The following C8orf34 variants were observed in gnomAD, a reference collection of about 807,000 sequenced individuals.
C8orf34 encodes uncharacterized protein C8orf34.
Under a neutral mutation model 68.3 loss-of-function variants are expected in C8orf34, and 65 were observed. That is an observed-to-expected ratio of 0.95 (90% CI 0.78 to 1.17). The LOEUF (loss-of-function observed/expected upper bound fraction) is 1.17, where lower values mean the gene tolerates loss of function less well. C8orf34 is among the 50% of genes most tolerant of loss of function. The pLI is 0.00. For synonymous variants in C8orf34, 244 were observed against 241.2 expected, an observed-to-expected ratio of 1.01 and a Z score of -0.11; for missense variants, 664 against 655.4, an observed-to-expected ratio of 1.01 and a Z score of -0.14.
intron 10 of C8orf34, among the ~76,000 whole-genome samples, chr8:68,744,463 G>C (rs1377375450): frequency 6.6e-6 from 1 of 151,858 alleles, no homozygotes; most frequent in South Asian, 2.1e-4. Flanking sequence ...TCAAACCAAA[G>C]GCAAAGAAGT....
chr8:68,743,423 C>T lies in C8orf34; in HGVS notation c.1404+21986C>T, dbSNP rs187578871. Among the ~76,000 whole-genome samples, 298 of 152,260 alleles carry T rather than the reference C, an allele frequency of 2.0e-3. 2 individuals carry two copies. The highest frequency in any genetic ancestry group is 2.0e-3 in the Admixed American group (30 of 15,304). On this transcript the variant is annotated intron_variant, in intron 10 of 13. Transcript: ENST00000518698. ...CTCCCAGCATGAGCGACGCAGAAGA[C>T]GGGTGATTTCTGCATTTCCATCTGA...
intron 10 of C8orf34, among the ~76,000 whole-genome samples, chr8:68,733,918 C>T (rs1046882487): frequency 6.6e-5 from 10 of 152,090 alleles, no homozygotes; most frequent in African/African-American, 1.9e-4. Context: ...GTCACAACTA[C>T]AAAAATGTAT....
chr8:68,515,202 G>A (rs1586297460), intron 5 of C8orf34, among the ~76,000 whole-genome samples: 1 of 151,232 alleles, frequency 6.6e-6, no homozygotes, highest in East Asian at 1.9e-4. Context: ...AATTATTTGG[G>A]AAGCCTTTCT....
At chr8:68,372,621 C>T (rs566636580) in intron 1 of C8orf34, among the ~76,000 whole-genome samples, 56 of 152,284 alleles carry the variant, frequency 3.7e-4, no homozygotes, top group African/African-American at 1.3e-3. Context: ...TATTATTATA[C>T]TTTAAGTTCT....
intron 10 of C8orf34, among the ~76,000 whole-genome samples, chr8:68,730,459 T>C (rs1214399688): frequency 1.3e-5 from 2 of 152,160 alleles, no homozygotes; most frequent in African/African-American, 2.4e-5. Flanking sequence ...GGTGGGATTT[T>C]TCCTTTTGAC....
intron 12 of C8orf34, among the ~76,000 whole-genome samples, chr8:68,805,388 T>C (rs1389565503): frequency 6.6e-6 from 1 of 152,210 alleles, no homozygotes; most frequent in African/African-American, 2.4e-5. Flanking sequence ...TATTCCGTCT[T>C]CTTACTGTAT....
chr8:68,445,359 G>A (rs1025213476), intron 2 of C8orf34, among the ~76,000 whole-genome samples: 4 of 152,136 alleles, frequency 2.6e-5, no homozygotes, highest in Admixed American at 6.6e-5. Flanking sequence ...CCTACAGAAT[G>A]CCACATAGAT....
intron 7 of C8orf34, among the ~76,000 whole-genome samples, chr8:68,624,856 C>T (rs1239005788): frequency 6.6e-6 from 1 of 151,856 alleles, no homozygotes; most frequent in African/African-American, 2.4e-5. Context: ...CTGCCTCAGC[C>T]TCCCGAGTAG....
In C8orf34 at chr8:68,383,356, A is replaced by G. The variant is rs560939083; in HGVS notation, c.327+52017A>G. 9.9e-5 allele frequency among the ~76,000 whole-genome samples: 15 copies of G among 152,254 alleles called. No homozygotes were observed. In the South Asian group the frequency reaches 3.1e-3, roughly 32 times the overall value. On this transcript the variant is annotated intron_variant, in intron 1 of 13. Transcript: ENST00000518698. ...CTCTAGCCCCATTTCCCCATTTCCTACTTCAGATCCCTGTGATGGTGACTG... is the reference window on the plus strand; with the variant it reads ...CTCTAGCCCCATTTCCCCATTTCCTGCTTCAGATCCCTGTGATGGTGACTG...
intron 1 of C8orf34, among the ~76,000 whole-genome samples, chr8:68,420,887 AGAAT>A (rs953430698): frequency 6.7e-6 from 1 of 149,868 alleles, no homozygotes; most frequent in African/African-American, 2.5e-5. Flanking sequence ...AAAAAAAAAA[AGAAT>A]AGAAATAGAA....
intron 7 of C8orf34, among the ~76,000 whole-genome samples, chr8:68,548,854 A>G (rs536079750): frequency 6.6e-6 from 1 of 151,838 alleles, no homozygotes; most frequent in Non-Finnish European, 1.5e-5. Context: ...TCAATTACAT[A>G]CTGATACGTG....
chr8:68,783,203 C>A (rs117245290), intron 11 of C8orf34, among the ~76,000 whole-genome samples: 1,819 of 152,214 alleles, frequency 0.012, 26 homozygotes, highest in South Asian at 0.032. Context: ...CTGAAGGCAA[C>A]CTGCCTCCCA....
intron 5 of C8orf34, among the ~76,000 whole-genome samples, chr8:68,513,111 C>T (rs1490618183): frequency 6.6e-6 from 1 of 152,194 alleles, no homozygotes; most frequent in Non-Finnish European, 1.5e-5. Context: ...TATTTTAGTT[C>T]ACCTACGTTA....
At chr8:68,619,675 A>G (rs888935555) in intron 7 of C8orf34, among the ~76,000 whole-genome samples, 11 of 152,188 alleles carry the variant, frequency 7.2e-5, no homozygotes, top group African/African-American at 2.4e-4. Context: ...GGGCACAGGT[A>G]CATATTCATC....
intron 10 of C8orf34, among the ~76,000 whole-genome samples, chr8:68,748,050 G>A (rs2129527517): frequency 6.7e-6 from 1 of 150,150 alleles, no homozygotes; most frequent in South Asian, 2.1e-4. Flanking sequence ...ATAGATCAAT[G>A]GAACACAACA....
chr8:68,710,326 A>G (rs746458088), intron 9 of C8orf34, among the ~76,000 whole-genome samples: 2 of 152,324 alleles, frequency 1.3e-5, no homozygotes, highest in African/African-American at 2.4e-5. Context: ...GAGGAGGCTC[A>G]TGGTCTGGGG....
chr8:68,715,733 C>T (rs1821453635), intron 9 of C8orf34, among the ~76,000 whole-genome samples: 1 of 151,630 alleles, frequency 6.6e-6, no homozygotes, highest in African/African-American at 2.4e-5. Context: ...TAAACCAGTA[C>T]AACCACTCTG....
rs183787789 is a variant in C8orf34, at chr8:68,743,856, G to A, written c.1404+22419G>A. Among the ~76,000 whole-genome samples, 79 of 152,146 alleles carry A rather than the reference G, an allele frequency of 5.2e-4. No individual in the cohort carries two copies. In the South Asian group the frequency reaches 0.014, roughly 27 times the overall value. ...TTGCTTAGGTAAACAAAGCAGCCCC[G>A]GAGCTGGAACTGAGTGGAGCCCACC... On this transcript the variant is annotated intron_variant, in intron 10 of 13. Coordinates refer to ENST00000518698, the MANE Select transcript of C8orf34 (RefSeq NM_052958.4).
intron 5 of C8orf34, among the ~76,000 whole-genome samples, chr8:68,521,297 G>T (rs1178035083): frequency 2.6e-5 from 4 of 152,128 alleles, no homozygotes; most frequent in African/African-American, 9.7e-5. Context: ...TAACATATCT[G>T]CCATTGATAG....
Sources: allele counts gnomAD v4.1 joint callset (sites outside exome capture counted in the v4.1 genomes callset), GRCh38; gene constraint gnomAD v4.1.1; transcripts MANE v1.5; gene names NCBI Gene and HGNC (gene_info 2026-07-23, HGNC 2026-07-21).